MMP26: variants seen among roughly 807,000 people sequenced by gnomAD.
MMP26 encodes the protein matrix metalloproteinase-26.
MMP26 carries 33 observed loss-of-function variants against 31.0 expected under a neutral mutation model. The observed-to-expected ratio is 1.06, with a 90% CI of 0.81 to 1.42. The LOEUF (loss-of-function observed/expected upper bound fraction) is 1.42. Ranked by LOEUF, MMP26 falls within the 40% of genes most tolerant of loss-of-function variation. MMP26 has a pLI of 0.00. For synonymous variants in MMP26, 122 were observed against 114.9 expected, an observed-to-expected ratio of 1.06 and a Z score of -0.40; for missense variants, 347 against 316.1, an observed-to-expected ratio of 1.10 and a Z score of -0.74.
At chr11:4,765,278 T>C (rs1848614939) in intron 1 of MMP26, among the ~76,000 whole-genome samples, 1 of 152,102 alleles carries the variant, frequency 6.6e-6, no homozygotes, top group Admixed American at 6.5e-5. Context: ...CTGACAGGTG[T>C]TTTGATTAGA....
intron 2 of MMP26, chr11:4,847,969 A>T (rs1849898259): frequency 2.5e-6 from 1 of 407,280 alleles, no homozygotes. Context: ...AACAACAGGC[A>T]CACACTTGGA....
chr11:4,852,505 A>G (rs1166543595), intron 2 of MMP26, among the ~76,000 whole-genome samples: 1 of 152,158 alleles, frequency 6.6e-6, no homozygotes, highest in Non-Finnish European at 1.5e-5. Context: ...TCATTTCTCA[A>G]ATCAATAACC....
intron 2 of MMP26, among the ~76,000 whole-genome samples, chr11:4,796,320 A>G (rs985792797): frequency 6.6e-6 from 1 of 152,214 alleles, no homozygotes; most frequent in Non-Finnish European, 1.5e-5. Flanking sequence ...TTACCTCTTT[A>G]GGGATATCGT....
At chr11:4,959,171 G>C (rs887011741) in intron 2 of MMP26, among the ~76,000 whole-genome samples, 4 of 150,190 alleles carry the variant, frequency 2.7e-5, no homozygotes, top group Admixed American at 1.3e-4. Context: ...ACGGGAGGCG[G>C]AGCTTGCAGT....
intron 2 of MMP26, among the ~76,000 whole-genome samples, chr11:4,887,668 G>T (rs568351766): frequency 6.6e-6 from 1 of 152,216 alleles, no homozygotes; most frequent in African/African-American, 2.4e-5. Flanking sequence ...AGTTGTTAAA[G>T]ACATTTTTGT....
chr11:4,832,898 C>A (rs1055117967), intron 2 of MMP26: 2 of 197,224 alleles, frequency 1.0e-5, no homozygotes, highest in Admixed American at 9.2e-5. Flanking sequence ...ATGTGCCCAT[C>A]ATCACCTTGG....
At chr11:4,780,902 G>A (rs944992137) in intron 2 of MMP26, among the ~76,000 whole-genome samples, 15 of 151,400 alleles carry the variant, frequency 9.9e-5, no homozygotes, top group Non-Finnish European at 1.8e-4. Flanking sequence ...TGTATCTGTA[G>A]ATATGTAAAT....
intron 2 of MMP26, among the ~76,000 whole-genome samples, chr11:4,849,498 C>A (rs1849943069): frequency 6.6e-6 from 1 of 152,064 alleles, no homozygotes; most frequent in Admixed American, 6.5e-5. Context: ...TTTTAGCTTG[C>A]CTCTCCCTGT....
intron 2 of MMP26, among the ~76,000 whole-genome samples, chr11:4,841,191 A>T (rs1772980441): frequency 6.6e-6 from 1 of 152,218 alleles, no homozygotes; most frequent in Non-Finnish European, 1.5e-5. Context: ...TCAAAGGGCA[A>T]TTCTAAGAGT....
intron 2 of MMP26, among the ~76,000 whole-genome samples, chr11:4,936,530 G>A (rs540402556): frequency 1.3e-3 from 203 of 152,256 alleles, no homozygotes; most frequent in Admixed American, 5.2e-3. Flanking sequence ...AGGCTTCATA[G>A]TGAAAATGCA....
intron 2 of MMP26, among the ~76,000 whole-genome samples, chr11:4,907,095 T>TAAAAAAAAAAAAAAAAAAAAAA (rs3065178): frequency 4.0e-4 from 22 of 55,112 alleles, no homozygotes; most frequent in East Asian, 2.3e-3. Flanking sequence ...AAACTCCCTC[T>TAAAAAAAAAAAAAAAAAAAAAA]AAAAAAAAAA....
At chr11:4,850,703 T>A (rs565267208) in intron 2 of MMP26, among the ~76,000 whole-genome samples, 80 of 151,990 alleles carry the variant, frequency 5.3e-4, no homozygotes, top group African/African-American at 1.9e-3. Flanking sequence ...ATACATATGT[T>A]ATAAAATATT....
intron 1 of MMP26, among the ~76,000 whole-genome samples, chr11:4,733,711 A>G (rs1294635940): frequency 6.6e-6 from 1 of 152,154 alleles, no homozygotes; most frequent in Non-Finnish European, 1.5e-5. Flanking sequence ...CCTCCAGGGC[A>G]ATGTTGAATA....
At position 4,852,391 on chromosome 11, in the gene MMP26, A is replaced by T. The variant is rs149076045; in HGVS notation, c.-145+85050A>T. 9.2e-5 allele frequency among the ~76,000 whole-genome samples: 14 copies of T among 152,312 alleles called. No homozygotes were observed. In the East Asian group the frequency reaches 2.7e-3, roughly 29 times the overall value. ...TACTCTCCACAATAGCAGACTGCAT[A>T]TTCTTTTCAAGCACATATAGAATTT... On this transcript the variant is annotated intron_variant, in intron 2 of 7. Transcript: ENST00000380390.
At chr11:4,978,917 C>T (rs998438465) in intron 2 of MMP26, among the ~76,000 whole-genome samples, 1 of 151,952 alleles carries the variant, frequency 6.6e-6, no homozygotes, top group Non-Finnish European at 1.5e-5. Flanking sequence ...AAAGAAGTTA[C>T]GAGAATAAGA....
intron 1 of MMP26, among the ~76,000 whole-genome samples, chr11:4,746,097 T>C (rs1388068756): frequency 6.6e-6 from 1 of 152,220 alleles, no homozygotes; most frequent in Non-Finnish European, 1.5e-5. Context: ...AGACAAGTGA[T>C]GCCATTATCA....
At chr11:4,718,082 T>A (rs1488987901) in intron 1 of MMP26, among the ~76,000 whole-genome samples, 3 of 152,208 alleles carry the variant, frequency 2.0e-5, no homozygotes, top group South Asian at 2.1e-4. Flanking sequence ...CAGGGTATTA[T>A]CACACTGCAG....
intron 2 of MMP26, among the ~76,000 whole-genome samples, chr11:4,826,194 A>T (rs11034095): frequency 0.098 from 14,834 of 152,100 alleles, 948 homozygotes; most frequent in Middle Eastern, 0.14. Context: ...CAAGCCCCAG[A>T]ACTCTCTAAG....
chr11:4,882,401 G>A (rs1364383547), intron 2 of MMP26: 2 of 1,613,770 alleles, frequency 1.2e-6, no homozygotes, highest in African/African-American at 1.3e-5. Context: ...CATAAACACT[G>A]TGTCTTTTCA....
Sources: gnomAD v4.1 joint callset for allele counts (sites outside exome capture counted in the v4.1 genomes callset) on GRCh38, gnomAD v4.1.1 for gene constraint, MANE v1.5 for transcripts, NCBI Gene and HGNC (gene_info 2026-07-23, HGNC 2026-07-21) for gene names.